RALYL: variants seen among roughly 807,000 people sequenced by gnomAD.
RALYL encodes RALY RNA binding protein like.
In RALYL, 29 loss-of-function variants were observed where a neutral mutation model predicts 35.1. That is an observed-to-expected ratio of 0.83 (90% CI 0.61 to 1.13). The LOEUF is 1.13. Among genes scored for constraint, RALYL ranks in the 50% most tolerant of loss-of-function variants. RALYL has a pLI of 0.00. For missense variants in RALYL, 359 were observed against 360.4 expected (o/e 1.00, Z 0.03); for synonymous variants, 120 against 127.6 (o/e 0.94, Z 0.40).
chr8:84,529,567 C>T lies in RALYL; in HGVS notation c.246C>T (p.Gly82=), dbSNP rs765190622. ...VAGENARVIA[G]QPLDINMAGE... ...GAGAAAATGCCAGAGTCATCGCCGG[C>T]CAACCACTTGGTAAGTCATGCTCAG... The change falls in exon 2 of 9, where the codon GGC becomes GGT. Residue 82 remains glycine, a synonymous_variant. Transcript: ENST00000521268. 54 of 1,606,764 alleles carry T rather than the reference C, an allele frequency of 3.4e-5. No homozygotes were observed. The highest frequency in any genetic ancestry group is 3.3e-5 in the Non-Finnish European group (39 of 1,173,872).
chr8:84,219,049 A>T (rs1459094775), intron 1 of RALYL, among the ~76,000 whole-genome samples: 1 of 152,104 alleles, frequency 6.6e-6, no homozygotes, highest in Non-Finnish European at 1.5e-5. Context: ...TGCAGAACTA[A>T]AACCTGAAGG....
At chr8:84,730,052 G>C (rs1181010244) in intron 2 of RALYL, among the ~76,000 whole-genome samples, 1 of 152,160 alleles carries the variant, frequency 6.6e-6, no homozygotes, top group Admixed American at 6.6e-5. Flanking sequence ...ACATCATCCT[G>C]ATACCAAAGC....
At chr8:84,311,086 AAAAAAT>A (rs1842714925) in intron 1 of RALYL, among the ~76,000 whole-genome samples, 3 of 127,140 alleles carry the variant, frequency 2.4e-5, no homozygotes, top group Admixed American at 7.5e-5. Flanking sequence ...AAAAAAAAAA[AAAAAAT>A]GTATATTAAT....
intron 1 of RALYL, among the ~76,000 whole-genome samples, chr8:84,425,904 A>G (rs2132543580): frequency 6.6e-6 from 1 of 151,608 alleles, no homozygotes; most frequent in Admixed American, 6.6e-5. Flanking sequence ...CCAGTACAGC[A>G]TTTTTGCAGC....
At chr8:84,267,037 T>A (rs1008455001) in intron 1 of RALYL, among the ~76,000 whole-genome samples, 2 of 151,444 alleles carry the variant, frequency 1.3e-5, no homozygotes, top group African/African-American at 2.4e-5. Context: ...CAGGGACTTA[T>A]ACTGAGAGAG....
At chr8:84,270,531 G>A (rs1056604949) in intron 1 of RALYL, among the ~76,000 whole-genome samples, 6 of 150,786 alleles carry the variant, frequency 4.0e-5, no homozygotes, top group African/African-American at 9.8e-5. Context: ...TTGAGGTTTC[G>A]ATTAACCAGT....
chr8:84,541,745 T>C (rs76301132), intron 2 of RALYL, among the ~76,000 whole-genome samples: 4,427 of 152,184 alleles, frequency 0.029, 107 homozygotes, highest in Middle Eastern at 0.078. Context: ...ATTTAGTAAA[T>C]ACAAACTTGG....
At chr8:84,515,381 C>T (rs2057977649) in intron 1 of RALYL, among the ~76,000 whole-genome samples, 1 of 152,080 alleles carries the variant, frequency 6.6e-6, no homozygotes, top group Non-Finnish European at 1.5e-5. Context: ...GTTATATATA[C>T]TGTCTTAAAA....
At chr8:84,842,324 G>A (rs1387880975) in intron 4 of RALYL, among the ~76,000 whole-genome samples, 6 of 151,940 alleles carry the variant, frequency 3.9e-5, no homozygotes, top group Admixed American at 3.3e-4. Flanking sequence ...CTACCATCAG[G>A]GAATACTATA....
chr8:84,883,955 A>G (rs1193895973), intron 7 of RALYL, among the ~76,000 whole-genome samples: 2 of 152,098 alleles, frequency 1.3e-5, no homozygotes, highest in Non-Finnish European at 2.9e-5. Context: ...CAACTCTGAA[A>G]TAGATGTTAT....
chr8:84,470,048 C>T (rs928538605), intron 1 of RALYL, among the ~76,000 whole-genome samples: 2 of 152,194 alleles, frequency 1.3e-5, no homozygotes, highest in Non-Finnish European at 2.9e-5. Flanking sequence ...CTGGCACTTC[C>T]TAGTGAGATG....
chr8:84,733,478 A>G (rs1476812993), intron 2 of RALYL, among the ~76,000 whole-genome samples: 1 of 152,196 alleles, frequency 6.6e-6, no homozygotes, highest in Non-Finnish European at 1.5e-5. Context: ...TTGAGGACAT[A>G]CAATGGAAAA....
chr8:84,447,159 T>A (rs1042234402), intron 1 of RALYL, among the ~76,000 whole-genome samples: 2 of 152,002 alleles, frequency 1.3e-5, no homozygotes, highest in Non-Finnish European at 2.9e-5. Flanking sequence ...CTAATTAACA[T>A]ATCCGGGACT....
intron 2 of RALYL, among the ~76,000 whole-genome samples, chr8:84,590,271 G>A (rs1043712273): frequency 5.9e-5 from 9 of 152,152 alleles, no homozygotes; most frequent in African/African-American, 1.9e-4. Context: ...CATAATTATT[G>A]TTTCAAAATA....
intron 1 of RALYL, among the ~76,000 whole-genome samples, chr8:84,335,311 G>A (rs146847168): frequency 1.9e-3 from 292 of 152,098 alleles, no homozygotes; most frequent in Non-Finnish European, 3.4e-3. Context: ...ATGTTTCCTT[G>A]CTCCCAGATG....
intron 7 of RALYL, among the ~76,000 whole-genome samples, chr8:84,880,287 GA>G (rs1376296888): frequency 6.6e-6 from 1 of 152,044 alleles, no homozygotes; most frequent in Non-Finnish European, 1.5e-5. Flanking sequence ...ACACTCTAAG[GA>G]AAGGATGCTC....
At chr8:84,364,342 T>C (rs1348799411) in intron 1 of RALYL, among the ~76,000 whole-genome samples, 1 of 152,130 alleles carries the variant, frequency 6.6e-6, no homozygotes, top group Non-Finnish European at 1.5e-5. Context: ...ATGGTGTTCA[T>C]AAACAATGCA....
chr8:84,338,046 C>A lies in RALYL; in HGVS notation c.-24+153622C>A, dbSNP rs113871581. Among the ~76,000 whole-genome samples the A allele has an allele frequency of 4.1e-4, 63 of 151,840 alleles. 1 individual carries two copies. The highest frequency in any genetic ancestry group is 1.5e-3 in the African/African-American group (62 of 41,432). On this transcript the variant is annotated intron_variant, in intron 1 of 8. Transcript: ENST00000521268. ...TGGCTGGGAGAGTAAACGAGTGCAC[C>A]AAGAAATTACCCGTACTCAGGTTTT...
intron 1 of RALYL, among the ~76,000 whole-genome samples, chr8:84,195,640 C>T (rs940946687): frequency 1.1e-4 from 17 of 152,126 alleles, no homozygotes; most frequent in Non-Finnish European, 1.6e-4. Flanking sequence ...ATTTCTTTCT[C>T]CCCTTTCTAG....
Sources: allele counts gnomAD v4.1 joint callset (sites outside exome capture counted in the v4.1 genomes callset), GRCh38; gene constraint gnomAD v4.1.1; transcripts MANE v1.5; gene names NCBI Gene and HGNC (gene_info 2026-07-23, HGNC 2026-07-21).